The following ENTREP2 variants were observed in gnomAD, a reference collection of about 807,000 sequenced individuals.
ENTREP2 encodes the protein endosomal transmembrane epsin interactor 2.
the ENTREP2 span, among the ~76,000 whole-genome samples, chr15:29,300,153 TGG>T: frequency 1.7e-5 from 1 of 57,450 alleles, no homozygotes; most frequent in African/African-American, 1.3e-4. Context: ...GGATGGATAA[TGG>T]ATGGATGGAT....
the ENTREP2 span, among the ~76,000 whole-genome samples, chr15:29,179,884 C>T: frequency 6.6e-6 from 1 of 152,154 alleles, no homozygotes; most frequent in Non-Finnish European, 1.5e-5. Flanking sequence ...CGCGCCCAGC[C>T]AGGGCTGGAG....
At chr15:29,579,225 T>C in the ENTREP2 span, among the ~76,000 whole-genome samples, 1 of 152,292 alleles carries the variant, frequency 6.6e-6, no homozygotes, top group Admixed American at 6.5e-5. Flanking sequence ...GAAGCAAAAG[T>C]AAAACACTTT....
At chr15:29,466,905 A>G in the ENTREP2 span, among the ~76,000 whole-genome samples, 198 of 122,752 alleles carry the variant, frequency 1.6e-3, 6 homozygotes, top group African/African-American at 6.1e-3. Flanking sequence ...AAGATGCTGC[A>G]GCCCCCAGGG....
chr15:29,504,634 G>C, the ENTREP2 span, among the ~76,000 whole-genome samples: 2 of 152,184 alleles, frequency 1.3e-5, no homozygotes, highest in African/African-American at 4.8e-5. Flanking sequence ...TTTATACTTA[G>C]GATTCTTAGG....
At chr15:29,268,717 C>T in the ENTREP2 span, 2 of 1,477,004 alleles carry the variant, frequency 1.4e-6, no homozygotes, top group African/African-American at 2.8e-5. Context: ...GGTTCGTTCT[C>T]CCTTCCCCCA....
chr15:29,363,796 T>C, the ENTREP2 span, among the ~76,000 whole-genome samples: 6 of 152,226 alleles, frequency 3.9e-5, no homozygotes, highest in African/African-American at 1.4e-4. Flanking sequence ...CGAGCATTTA[T>C]ACTTATGCAT....
chr15:29,664,421 A>G, the ENTREP2 span, among the ~76,000 whole-genome samples: 5 of 152,038 alleles, frequency 3.3e-5, 1 homozygote, highest in South Asian at 8.3e-4. Context: ...TCTGTAGTGG[A>G]AAGAGACTCT....
the ENTREP2 span, among the ~76,000 whole-genome samples, chr15:29,291,559 GT>G: frequency 6.6e-6 from 1 of 152,148 alleles, no homozygotes; most frequent in South Asian, 2.1e-4. Flanking sequence ...AAATCAGCTT[GT>G]TTCTTCCTGC....
At chr15:29,669,186 C>G in the ENTREP2 span, among the ~76,000 whole-genome samples, 1 of 152,134 alleles carries the variant, frequency 6.6e-6, no homozygotes, top group Non-Finnish European at 1.5e-5. Flanking sequence ...CCAGCCTGGG[C>G]AACAGAGCGA....
chr15:29,559,263 G>A, the ENTREP2 span, among the ~76,000 whole-genome samples: 1 of 152,040 alleles, frequency 6.6e-6, no homozygotes, highest in African/African-American at 2.4e-5. Context: ...ACCAGAGGGG[G>A]CCCTTGGATC....
At chr15:29,303,640 T>A in the ENTREP2 span, among the ~76,000 whole-genome samples, 2 of 56,294 alleles carry the variant, frequency 3.6e-5, no homozygotes, top group African/African-American at 1.4e-4. Context: ...CTAACCCCCC[T>A]CCCCCACCCT....
At chr15:29,619,626 T>A in the ENTREP2 span, among the ~76,000 whole-genome samples, 1 of 152,002 alleles carries the variant, frequency 6.6e-6, no homozygotes, top group Non-Finnish European at 1.5e-5. Flanking sequence ...AGACAAAGTG[T>A]CACCTGTCTC....
chr15:29,334,928 T>C, the ENTREP2 span, among the ~76,000 whole-genome samples: 1 of 152,180 alleles, frequency 6.6e-6, no homozygotes, highest in African/African-American at 2.4e-5. Flanking sequence ...GCTCTGTCTA[T>C]CCCAGCCAGG....
chr15:29,601,324 A>G, the ENTREP2 span, among the ~76,000 whole-genome samples: 1 of 152,188 alleles, frequency 6.6e-6, no homozygotes, highest in Non-Finnish European at 1.5e-5. Context: ...GTGAATTGGC[A>G]TACTCCTTTC....
chr15:29,174,162 C>T, the ENTREP2 span, among the ~76,000 whole-genome samples: 1 of 152,344 alleles, frequency 6.6e-6, no homozygotes, highest in South Asian at 2.1e-4. Flanking sequence ...CCAGGTATTA[C>T]TCTTGATTTT....
the ENTREP2 span, among the ~76,000 whole-genome samples, chr15:29,381,498 G>A: frequency 1.4e-5 from 2 of 146,912 alleles, no homozygotes; most frequent in South Asian, 2.2e-4. Context: ...GTTCACGCTC[G>A]GTCCTTACAG....
chr15:29,127,878 T>C, the ENTREP2 span, among the ~76,000 whole-genome samples: 1 of 152,204 alleles, frequency 6.6e-6, no homozygotes, highest in African/African-American at 2.4e-5. Context: ...CACTGTACCC[T>C]GGGTTGGCCG....
At chr15:29,582,813 G>A in the ENTREP2 span, among the ~76,000 whole-genome samples, 5 of 152,058 alleles carry the variant, frequency 3.3e-5, no homozygotes, top group Non-Finnish European at 7.4e-5. Flanking sequence ...CACCACGCCT[G>A]GCTGATTTTT....
chr15:29,328,900 G>A, the ENTREP2 span, among the ~76,000 whole-genome samples: 372 of 152,194 alleles, frequency 2.4e-3, 1 homozygote, highest in African/African-American at 8.5e-3. Context: ...ATATACAGTC[G>A]TCCTCCCTTA....
Sources: allele counts gnomAD v4.1 joint callset (sites outside exome capture counted in the v4.1 genomes callset), GRCh38; gene constraint gnomAD v4.1.1; transcripts MANE v1.5; gene names NCBI Gene and HGNC (gene_info 2026-07-23, HGNC 2026-07-21).